FAM107A: variants seen among roughly 807,000 people sequenced by gnomAD.
The protein encoded by FAM107A is actin-associated protein FAM107A.
A neutral mutation model predicts 13.7 loss-of-function variants in FAM107A; 19 were observed. That is an observed-to-expected ratio of 1.38 (90% confidence interval 0.97 to 2.03). FAM107A has a LOEUF of 2.03. Ranked by LOEUF, FAM107A falls within the 30% of genes most tolerant of loss-of-function variation. FAM107A has a pLI of 0.00. For missense variants in FAM107A, 203 were observed against 184.4 expected, an observed-to-expected ratio of 1.10 and a Z score of -0.58; for synonymous variants, 82 against 74.5, an observed-to-expected ratio of 1.10 and a Z score of -0.52.
chr3:58,597,194 AT>A (rs1343067495), intron 1 of FAM107A, among the ~76,000 whole-genome samples: 1 of 152,222 alleles, frequency 6.6e-6, no homozygotes, highest in Non-Finnish European at 1.5e-5. Flanking sequence ...ATGAGTGCTC[AT>A]TTCTGTTGGG....
At chr3:58,586,843 G>T in intron 1 of FAM107A, 1 of 1,522,924 alleles carries the variant, frequency 6.6e-7, no homozygotes, top group Non-Finnish European at 8.8e-7. Flanking sequence ...CGAGGGTGGC[G>T]TTGCTCCCAC....
At chr3:58,622,790 G>C (rs973600771) in intron 1 of FAM107A, among the ~76,000 whole-genome samples, 1 of 152,044 alleles carries the variant, frequency 6.6e-6, no homozygotes, top group Non-Finnish European at 1.5e-5. Context: ...GCCTTTGTTG[G>C]GGGGGATATT....
chr3:58,612,274 T>C (rs914736040), intron 1 of FAM107A, among the ~76,000 whole-genome samples: 1 of 152,186 alleles, frequency 6.6e-6, no homozygotes, highest in Non-Finnish European at 1.5e-5. Flanking sequence ...AGTGGAATGC[T>C]ATGTACCCAT....
In FAM107A at chr3:58,569,941, G is replaced by A; in HGVS notation, c.-5-76C>T. On this transcript the variant is annotated intron_variant, in intron 1 of 3. Transcript: ENST00000360997. This position sits in a 1 kb window ranked among gnomAD's most constrained non-coding sequence, Gnocchi z 5.7. ...CTGCCCCATGGGACACAGTTGAAGG[G>A]CAAGGTTTTCATGTCAGATGGACCT... is the stretch of plus-strand genomic sequence containing the variant. 6.9e-7 allele frequency: 1 copy of A among 1,456,322 alleles called. No homozygotes were observed. The allele number at this position is 1,456,322 out of a possible 1,614,324, so 90.2% of individuals were successfully genotyped here.
At chr3:58,591,359 G>C (rs2065653210), upstream of FAM107A, among the ~76,000 whole-genome samples, 1 of 152,164 alleles carries the variant, frequency 6.6e-6, no homozygotes, top group Admixed American at 6.5e-5. The surrounding 1 kb of genome is among the most constrained non-coding windows in gnomAD (Gnocchi z 4.3). Flanking sequence ...TCCTGGGGCA[G>C]GGTCAGCGGT....
At position 58,566,551 on chromosome 3, in the gene FAM107A, G is replaced by A; in HGVS notation, c.*37C>T. On this transcript the variant is annotated 3_prime_UTR_variant, in exon 4 of 4. Transcript: ENST00000360997. Reference sequence around the variant, plus strand: ...AGAAGGGCTGAAGGAGGCTGTCCAGGCCAGGGTGGGCAGTGGCCTGAGCCC... The same window carrying A: ...AGAAGGGCTGAAGGAGGCTGTCCAGACCAGGGTGGGCAGTGGCCTGAGCCC... 3 of 1,506,152 alleles carry A rather than the reference G, an allele frequency of 2.0e-6. No homozygotes were observed. The highest frequency in any genetic ancestry group is 2.8e-6 in the Non-Finnish European group (3 of 1,083,576). The allele number at this position is 1,506,152 out of a possible 1,614,324, so 93.3% of individuals were successfully genotyped here. A position where few individuals can be genotyped will look rare whatever the true frequency, so the allele number is the denominator to read the frequency against.
At chr3:58,614,112 C>T (rs116207850) in intron 1 of FAM107A, among the ~76,000 whole-genome samples, 7 of 152,320 alleles carry the variant, frequency 4.6e-5, no homozygotes, top group Non-Finnish European at 1.0e-4. Context: ...AGCCCGTAGC[C>T]ATTTCAGGGT....
At position 58,565,664 on chromosome 3, in the gene FAM107A, TG is replaced by T. The variant is rs2063613286; in HGVS notation, c.*923del. On this transcript the variant is annotated 3_prime_UTR_variant, in exon 4 of 4. Transcript: ENST00000360997. ...GTTGCAGAAGTGGGGTGGGAATCCCTGGGGCATCAGTCCACAGGAGGTGGGG... is the reference window on the plus strand; with the variant it reads ...GTTGCAGAAGTGGGGTGGGAATCCCTGGGCATCAGTCCACAGGAGGTGGGG... 1.3e-5 allele frequency: 2 copies of T among 151,810 alleles called. No homozygotes were observed. The highest frequency in any genetic ancestry group is 1.3e-4 in the Admixed American group (2 of 15,244). 9.4% of individuals were successfully genotyped at this position (151,810 alleles called of 1,614,324 possible). A position where few individuals can be genotyped will look rare whatever the true frequency, so the allele number is the denominator to read the frequency against.
upstream of FAM107A, among the ~76,000 whole-genome samples, chr3:58,590,014 C>G (rs1335098657): frequency 1.3e-5 from 2 of 152,216 alleles, no homozygotes; most frequent in African/African-American, 4.8e-5. Context: ...AGTTCTTGGA[C>G]ATCTTCTCTT....
upstream of FAM107A, among the ~76,000 whole-genome samples, chr3:58,578,354 G>C (rs983189390): frequency 2.0e-5 from 3 of 152,118 alleles, no homozygotes; most frequent in Non-Finnish European, 2.9e-5. Flanking sequence ...GATCATTTGA[G>C]GTCAGAAGTT....
At chr3:58,597,384 G>A (rs2065716674) in intron 1 of FAM107A, among the ~76,000 whole-genome samples, 1 of 152,208 alleles carries the variant, frequency 6.6e-6, no homozygotes, top group South Asian at 2.1e-4. Context: ...AGGGAGGAGG[G>A]AGGTGTTAGC....
intron 1 of FAM107A, among the ~76,000 whole-genome samples, chr3:58,570,624 AG>A (rs1212806061): frequency 3.2e-5 from 4 of 126,640 alleles, no homozygotes; most frequent in African/African-American, 1.3e-4. Context: ...AGAGAGAGAG[AG>A]AGAGAGAGAG....
At chr3:58,584,272 G>A (rs1284360408) in intron 1 of FAM107A, among the ~76,000 whole-genome samples, 2 of 152,060 alleles carry the variant, frequency 1.3e-5, no homozygotes, top group African/African-American at 2.4e-5. Flanking sequence ...TGAGAGGAGG[G>A]GCAGATCTGT....
At chr3:58,615,608 A>G (rs1326563919) in intron 1 of FAM107A, among the ~76,000 whole-genome samples, 6 of 152,074 alleles carry the variant, frequency 3.9e-5, no homozygotes, top group Non-Finnish European at 8.8e-5. Context: ...GAGGGAAGAT[A>G]GAGAATGCCA....
chr3:58,624,445 C>T (rs2065990109), intron 1 of FAM107A, among the ~76,000 whole-genome samples: 1 of 149,078 alleles, frequency 6.7e-6, no homozygotes, highest in Admixed American at 6.7e-5. Flanking sequence ...GTCACACCCT[C>T]GACCCTTTCA....
At chr3:58,601,958 GTC>G (rs1226825216) in intron 1 of FAM107A, among the ~76,000 whole-genome samples, 6 of 152,200 alleles carry the variant, frequency 3.9e-5, no homozygotes, top group Non-Finnish European at 7.3e-5. Context: ...GCTCCTGGAG[GTC>G]AAGGAACTGG....
upstream of FAM107A, among the ~76,000 whole-genome samples, chr3:58,579,026 G>C (rs183931925): frequency 6.6e-6 from 1 of 152,326 alleles, no homozygotes; most frequent in East Asian, 1.9e-4. Context: ...CCTTCAAGGG[G>C]GACACACAGT....
At chr3:58,620,076 C>T (rs1274517151) in intron 1 of FAM107A, among the ~76,000 whole-genome samples, 5 of 152,160 alleles carry the variant, frequency 3.3e-5, no homozygotes, top group African/African-American at 1.2e-4. Context: ...CTCTCTCCTG[C>T]CCTCCCTTCC....
intron 1 of FAM107A, among the ~76,000 whole-genome samples, chr3:58,605,545 G>C (rs1309942960): frequency 6.6e-6 from 1 of 152,226 alleles, no homozygotes; most frequent in Non-Finnish European, 1.5e-5. Flanking sequence ...TGAGAGTCCA[G>C]GTGATGAGGG....
Sources: allele counts gnomAD v4.1 joint callset (sites outside exome capture counted in the v4.1 genomes callset), GRCh38; gene constraint gnomAD v4.1.1; non-coding constraint Gnocchi (gnomAD v3.1); transcripts MANE v1.5; gene names NCBI Gene and HGNC (gene_info 2026-07-23, HGNC 2026-07-21).